PDGFD: variants seen among roughly 807,000 people sequenced by gnomAD.
The protein encoded by PDGFD is platelet derived growth factor D, also known as platelet-derived growth factor D.
In PDGFD, 30 loss-of-function variants were observed where a neutral mutation model predicts 44.7. The observed-to-expected ratio is 0.67, with a 90% confidence interval of 0.50 to 0.91. The LOEUF (loss-of-function observed/expected upper bound fraction) is 0.91, where lower values mean the gene tolerates loss of function less well. Among genes scored for constraint, PDGFD ranks in the 40% least tolerant of loss-of-function variants. PDGFD has a pLI of 0.00. For synonymous variants in PDGFD, 173 were observed against 168.4 expected (o/e 1.03, Z -0.21); for missense variants, 445 against 457.8 (o/e 0.97, Z 0.25).
At chr11:104,066,852 A>C (rs1259885174) in intron 1 of PDGFD, among the ~76,000 whole-genome samples, 2 of 152,112 alleles carry the variant, frequency 1.3e-5, no homozygotes, top group Non-Finnish European at 2.9e-5. Context: ...TCTCTTGAAG[A>C]CTTTAACCAA....
At position 104,019,329 on chromosome 11, in the gene PDGFD, A is replaced by AAGC. The variant is rs146372881; in HGVS notation, c.125-19077_125-19075dup. 0.022 allele frequency among the ~76,000 whole-genome samples: 3,339 copies of AAGC among 152,288 alleles called. 214 individuals are homozygous for AAGC. In the East Asian group the frequency reaches 0.28, roughly 13 times the overall value. ...ATGTATAAAATGCATTCTTTGGGTC[A>AAGC]AGCATTGTGACAGAAAATTTAATAT... On this transcript the variant is annotated intron_variant, in intron 1 of 6. Transcript: ENST00000393158.
chr11:104,017,256 C>T (rs1859871991), intron 1 of PDGFD, among the ~76,000 whole-genome samples: 1 of 152,166 alleles, frequency 6.6e-6, no homozygotes, highest in African/African-American at 2.4e-5. Flanking sequence ...GTTGCTTAAG[C>T]CACCTGGTGT....
chr11:103,939,761 A>G (rs1488035413), intron 5 of PDGFD, among the ~76,000 whole-genome samples: 1 of 152,126 alleles, frequency 6.6e-6, no homozygotes, highest in East Asian at 1.9e-4. Flanking sequence ...AACTTAAAAT[A>G]CTGATTTTTA....
chr11:103,934,108 C>G (rs889444308), intron 5 of PDGFD, among the ~76,000 whole-genome samples: 9 of 152,192 alleles, frequency 5.9e-5, no homozygotes, highest in Admixed American at 5.9e-4. Context: ...GCCAACAAGG[C>G]CAAGTTCATG....
chr11:104,119,078 T>TATATATTGATATAATATATAATATATTA (rs1861700761), intron 1 of PDGFD, among the ~76,000 whole-genome samples: 8 of 4,118 alleles, frequency 1.9e-3, no homozygotes, highest in African/African-American at 6.3e-3. Context: ...ATTGGTATAA[T>TATATATTGATATAATATATAATATATTA]ATATAATATA....
At chr11:104,083,775 T>C (rs1861081367) in intron 1 of PDGFD, among the ~76,000 whole-genome samples, 1 of 152,222 alleles carries the variant, frequency 6.6e-6, no homozygotes, top group African/African-American at 2.4e-5. Flanking sequence ...TGCTGATATA[T>C]TTCCACACTG....
chr11:103,963,645 C>A (rs1170440627), intron 3 of PDGFD, among the ~76,000 whole-genome samples: 1 of 152,104 alleles, frequency 6.6e-6, no homozygotes, highest in African/African-American at 2.4e-5. Context: ...GAAATGGGAA[C>A]AGGCATATAT....
intron 5 of PDGFD, among the ~76,000 whole-genome samples, chr11:103,928,999 G>A (rs769082507): frequency 2.6e-5 from 4 of 152,082 alleles, no homozygotes; most frequent in African/African-American, 7.2e-5. Context: ...TGTCTAACAC[G>A]GAGGACTAAA....
chr11:104,060,558 A>G (rs761118019), intron 1 of PDGFD, among the ~76,000 whole-genome samples: 3 of 152,210 alleles, frequency 2.0e-5, no homozygotes, highest in Non-Finnish European at 2.9e-5. Context: ...TAAATTCTGC[A>G]TAAGTTTGTA....
At chr11:103,961,491 G>A (rs540437851) in intron 3 of PDGFD, among the ~76,000 whole-genome samples, 1 of 152,212 alleles carries the variant, frequency 6.6e-6, no homozygotes, top group South Asian at 2.1e-4. Flanking sequence ...GAAGCAGGCA[G>A]GTGAAGGAGA....
chr11:104,028,635 G>A (rs1055965768), intron 1 of PDGFD, among the ~76,000 whole-genome samples: 1 of 149,430 alleles, frequency 6.7e-6, no homozygotes, highest in African/African-American at 2.5e-5. Context: ...GTTATCCTTG[G>A]AACACTGGGT....
chr11:104,119,560 T>TG (rs1861729461), intron 1 of PDGFD, among the ~76,000 whole-genome samples: 1 of 72,822 alleles, frequency 1.4e-5, no homozygotes, highest in African/African-American at 6.3e-5. Flanking sequence ...ATTGATATAA[T>TG]ATATAATATA....
chr11:103,991,472 C>G (rs1859451928), intron 3 of PDGFD, among the ~76,000 whole-genome samples: 1 of 152,004 alleles, frequency 6.6e-6, no homozygotes, highest in Admixed American at 6.6e-5. Flanking sequence ...CACAGCTAAG[C>G]AACTGATATG....
chr11:103,960,861 G>GAC (rs1307123571), intron 3 of PDGFD, among the ~76,000 whole-genome samples: 6 of 152,134 alleles, frequency 3.9e-5, no homozygotes, highest in African/African-American at 1.2e-4. Context: ...GGTAGAGAGA[G>GAC]AGAGAGATCT....
chr11:104,157,180 C>A (rs558971138), intron 1 of PDGFD, among the ~76,000 whole-genome samples: 1 of 152,100 alleles, frequency 6.6e-6, no homozygotes, highest in Non-Finnish European at 1.5e-5. Context: ...ACAACCAGGG[C>A]GAGGGGGGTA....
chr11:103,947,916 G>A (rs533977138), intron 3 of PDGFD, among the ~76,000 whole-genome samples, 192 bp from the exon 4 acceptor site: 111 of 152,260 alleles, frequency 7.3e-4, no homozygotes, highest in Non-Finnish European at 1.3e-3. Context: ...TTAAGACATG[G>A]ACATTTTCTT....
chr11:104,052,694 T>C (rs1485732385), intron 1 of PDGFD, among the ~76,000 whole-genome samples: 1 of 152,164 alleles, frequency 6.6e-6, no homozygotes, highest in Non-Finnish European at 1.5e-5. Flanking sequence ...CTAGTGTTAA[T>C]TTCATTGATT....
chr11:103,918,935 A>T (rs971388769), intron 6 of PDGFD, among the ~76,000 whole-genome samples: 2 of 152,214 alleles, frequency 1.3e-5, no homozygotes, highest in African/African-American at 2.4e-5. Context: ...AGGAACACTG[A>T]ATTAATTATA....
intron 1 of PDGFD, among the ~76,000 whole-genome samples, chr11:104,092,717 A>T (rs1861228514): frequency 6.6e-6 from 1 of 152,180 alleles, no homozygotes; most frequent in Non-Finnish European, 1.5e-5. Flanking sequence ...GCCTCTTTTA[A>T]AAAAGGTGCA....
Sources: allele counts gnomAD v4.1 joint callset (sites outside exome capture counted in the v4.1 genomes callset), GRCh38; gene constraint gnomAD v4.1.1; transcripts MANE v1.5; gene names NCBI Gene and HGNC (gene_info 2026-07-23, HGNC 2026-07-21).